CCDC138: variants seen among roughly 807,000 people sequenced by gnomAD.
CCDC138 encodes coiled-coil domain-containing protein 138.
CCDC138 carries 66 observed loss-of-function variants against 82.3 expected under a neutral mutation model. The observed-to-expected ratio is 0.80, with a 90% confidence interval of 0.66 to 0.98. The LOEUF is 0.98. Ranked by LOEUF, CCDC138 falls within the 50% of genes least tolerant of loss-of-function variation. CCDC138 has a pLI of 0.00. For missense variants in CCDC138, 816 were observed against 758.9 expected (o/e 1.08, Z -0.88); for synonymous variants, 297 against 265.4 (o/e 1.12, Z -1.16).
chr2:108,813,217 C>G (rs1275997245), intron 9 of CCDC138, among the ~76,000 whole-genome samples: 1 of 125,682 alleles, frequency 8.0e-6, no homozygotes, highest in African/African-American at 3.0e-5. Flanking sequence ...CCACTGCACT[C>G]CAGCCTGGGC....
chr2:108,875,260 G>A (rs1046388836), intron 14 of CCDC138, among the ~76,000 whole-genome samples: 5 of 148,374 alleles, frequency 3.4e-5, no homozygotes, highest in South Asian at 4.2e-4. Flanking sequence ...TAAGAAACAC[G>A]TATACATATG....
intron 4 of CCDC138, among the ~76,000 whole-genome samples, chr2:108,793,952 T>C (rs1189542603): frequency 1.3e-5 from 2 of 152,138 alleles, no homozygotes; most frequent in African/African-American, 4.8e-5. Context: ...TACGAGACTG[T>C]AGCATCTGTA....
chr2:108,844,333 C>T (rs1690080626), intron 11 of CCDC138, among the ~76,000 whole-genome samples: 1 of 152,134 alleles, frequency 6.6e-6, no homozygotes, highest in African/African-American at 2.4e-5. Context: ...GTTATTCTTT[C>T]CTCCATCCTC....
chr2:108,866,727 A>G (rs765106758), intron 13 of CCDC138, among the ~76,000 whole-genome samples: 26 of 152,308 alleles, frequency 1.7e-4, no homozygotes, highest in Non-Finnish European at 2.9e-4. Context: ...TACTAAAAAT[A>G]CAAACATTAG....
At chr2:108,867,842 C>T (rs1250641169) in intron 13 of CCDC138, among the ~76,000 whole-genome samples, 2 of 152,178 alleles carry the variant, frequency 1.3e-5, no homozygotes, top group Non-Finnish European at 2.9e-5. Context: ...GAATAAAAGC[C>T]TTACTAACTA....
intron 7 of CCDC138, among the ~76,000 whole-genome samples, chr2:108,808,559 G>A (rs1407507750): frequency 2.6e-5 from 4 of 152,106 alleles, no homozygotes; most frequent in South Asian, 2.1e-4. Flanking sequence ...TTCTAACTGG[G>A]ATGAGATTGA....
intron 13 of CCDC138, among the ~76,000 whole-genome samples, chr2:108,863,974 C>T (rs1694016906): frequency 6.6e-6 from 1 of 152,174 alleles, no homozygotes; most frequent in Admixed American, 6.5e-5. Context: ...GATTGGTTTG[C>T]ATCCCCTTGT....
chr2:108,829,087 C>T (rs564788834), intron 10 of CCDC138, among the ~76,000 whole-genome samples: 1 of 152,156 alleles, frequency 6.6e-6, no homozygotes, highest in African/African-American at 2.4e-5. Flanking sequence ...TTAGATTTGG[C>T]AGTGATTATA....
At chr2:108,796,173 C>G (rs13429044) in intron 5 of CCDC138, among the ~76,000 whole-genome samples, 3,674 of 152,058 alleles carry the variant, frequency 0.024, 145 homozygotes, top group African/African-American at 0.084. Context: ...CTCAGCCTCC[C>G]GAGTAGCTGG....
intron 10 of CCDC138, among the ~76,000 whole-genome samples, chr2:108,838,894 A>G (rs1207698868): frequency 1.3e-5 from 2 of 152,146 alleles, no homozygotes; most frequent in African/African-American, 4.8e-5. Flanking sequence ...ATGGTTACAT[A>G]TATACTATAA....
intron 13 of CCDC138, among the ~76,000 whole-genome samples, chr2:108,870,486 C>T (rs750464856): frequency 7.2e-5 from 11 of 152,086 alleles, no homozygotes; most frequent in African/African-American, 2.4e-4. Flanking sequence ...AGGAAAGACA[C>T]GGCTCTACAA....
chr2:108,824,657 A>G (rs947828179), intron 10 of CCDC138, among the ~76,000 whole-genome samples: 1 of 152,246 alleles, frequency 6.6e-6, no homozygotes, highest in Non-Finnish European at 1.5e-5. Flanking sequence ...AGTATAGTGT[A>G]GCAAATATGT....
In CCDC138 at chr2:108,843,890, T is replaced by C. The variant is rs1490187249; in HGVS notation, c.1324-2848T>C. 1.3e-3 allele frequency among the ~76,000 whole-genome samples: 169 copies of C among 130,138 alleles called. 1 individual carries two copies. Among genetic ancestry groups the C allele is most frequent in the African/African-American group, 4.7e-3 (146 of 31,270 alleles). The allele number at this position is 130,138 out of a possible 152,430, so 85.4% of individuals were successfully genotyped here. On this transcript the variant is annotated intron_variant, in intron 11 of 14. Coordinates refer to ENST00000295124, the MANE Select transcript of CCDC138 (RefSeq NM_144978.3). ...TGTGTGTGTGTGTGTTTCTTTCTTTTTTTTTTTTTTTTTTTTTTGAGACAG... is the reference window on the plus strand; with the variant it reads ...TGTGTGTGTGTGTGTTTCTTTCTTTCTTTTTTTTTTTTTTTTTTGAGACAG...
rs192301554 is a variant in CCDC138 at position 108,859,310 on chromosome 2, A to G, written c.1693+2340A>G. Among the ~76,000 whole-genome samples, 149 of 152,242 alleles carry G rather than the reference A, an allele frequency of 9.8e-4. 1 individual carries two copies. Among genetic ancestry groups the G allele is most frequent in the African/African-American group, 3.5e-3 (144 of 41,550 alleles). ...ATTCTGGATATTAGTCCTTTGTTGGATGCAGAATTTGCAGATATTTTCTCC... is the reference window on the plus strand; with the variant it reads ...ATTCTGGATATTAGTCCTTTGTTGGGTGCAGAATTTGCAGATATTTTCTCC... On this transcript the variant is annotated intron_variant, in intron 13 of 14. Coordinates refer to ENST00000295124, the MANE Select transcript of CCDC138 (RefSeq NM_144978.3).
intron 7 of CCDC138, among the ~76,000 whole-genome samples, chr2:108,805,637 G>T (rs1024773758): frequency 6.6e-6 from 1 of 152,022 alleles, no homozygotes; most frequent in Non-Finnish European, 1.5e-5. Flanking sequence ...TGAGGCAGGA[G>T]AATGTCGTGA....
intron 6 of CCDC138, among the ~76,000 whole-genome samples, chr2:108,799,624 T>C (rs923217580): frequency 2.6e-5 from 4 of 152,248 alleles, no homozygotes; most frequent in Non-Finnish European, 4.4e-5. Context: ...TCTTTCAGTT[T>C]GTTCTGTTTG....
chr2:108,803,004 A>T (rs1376699187), intron 6 of CCDC138, among the ~76,000 whole-genome samples: 1 of 152,160 alleles, frequency 6.6e-6, no homozygotes, highest in African/African-American at 2.4e-5. Context: ...AAGCCTTTGC[A>T]ATGTTGCTGT....
intron 10 of CCDC138, among the ~76,000 whole-genome samples, chr2:108,838,319 G>A (rs1688918905): frequency 6.6e-6 from 1 of 152,046 alleles, no homozygotes; most frequent in Non-Finnish European, 1.5e-5. Context: ...ATAATATACA[G>A]AAAATTTTAC....
intron 10 of CCDC138, 95 bp downstream of exon 10, chr2:108,816,200 C>CAAAGTGATGGG: frequency 3.2e-6 from 3 of 936,536 alleles, no homozygotes; most frequent in South Asian, 1.7e-5. Context: ...TCTATAATCC[C>CAAAGTGATGGG]ATCACTTTGG....
Sources: allele counts gnomAD v4.1 joint callset (sites outside exome capture counted in the v4.1 genomes callset), GRCh38; gene constraint gnomAD v4.1.1; transcripts MANE v1.5; gene names NCBI Gene and HGNC (gene_info 2026-07-23, HGNC 2026-07-21).